GNAQ: variants seen among roughly 807,000 people sequenced by gnomAD.
GNAQ encodes the protein G protein subunit alpha q.
Under a neutral mutation model 43.9 loss-of-function variants are expected in GNAQ, and 8 were observed. The observed-to-expected ratio is 0.18, with a 90% CI of 0.11 to 0.33. The LOEUF is 0.33. GNAQ is among the 10% of genes least tolerant of loss of function. The pLI, the probability that GNAQ is intolerant of heterozygous loss-of-function variation, is 1.00. For missense variants in GNAQ, 158 were observed against 450.8 expected (o/e 0.35, Z 5.88); for synonymous variants, 155 against 170.7 (o/e 0.91, Z 0.71).
chr9:77,793,254 T>C (rs776234081), intron 5 of GNAQ, among the ~76,000 whole-genome samples: 24 of 152,244 alleles, frequency 1.6e-4, no homozygotes, highest in African/African-American at 4.1e-4. Context: ...TTTAGAGTTA[T>C]TGGGGGCAAC....
intron 2 of GNAQ, among the ~76,000 whole-genome samples, chr9:77,905,971 C>T (rs879815721): frequency 6.6e-6 from 1 of 152,020 alleles, no homozygotes. Context: ...AGGACAAATA[C>T]CTAATGCACA....
intron 3 of GNAQ, among the ~76,000 whole-genome samples, chr9:77,804,747 G>C (rs908973669): frequency 2.6e-5 from 4 of 152,182 alleles, no homozygotes; most frequent in African/African-American, 9.7e-5. Context: ...GCCTCCTATA[G>C]AGAGGCTGCA....
chr9:77,764,616 C>T (rs985765930), intron 5 of GNAQ, among the ~76,000 whole-genome samples: 6 of 152,152 alleles, frequency 3.9e-5, no homozygotes, highest in South Asian at 2.1e-4. Context: ...CCACCATGCC[C>T]GGCTAATTTT....
At chr9:77,872,399 C>G (rs751699696) in intron 2 of GNAQ, among the ~76,000 whole-genome samples, 6 of 152,084 alleles carry the variant, frequency 3.9e-5, no homozygotes, top group Non-Finnish European at 4.4e-5. Flanking sequence ...CTTTCCCTTC[C>G]CTGGGGCAAT....
intron 2 of GNAQ, among the ~76,000 whole-genome samples, chr9:77,829,111 ATAT>A (rs1404728007): frequency 2.0e-5 from 3 of 152,176 alleles, no homozygotes; most frequent in African/African-American, 7.2e-5. Flanking sequence ...AGCAGCTATA[ATAT>A]TATACTTTTT....
At chr9:78,028,213 G>A (rs893796320) in intron 1 of GNAQ, among the ~76,000 whole-genome samples, 1 of 152,042 alleles carries the variant, frequency 6.6e-6, no homozygotes, top group Non-Finnish European at 1.5e-5. Flanking sequence ...TGAATTCAAA[G>A]AATGAATAAG....
intron 2 of GNAQ, among the ~76,000 whole-genome samples, chr9:77,918,334 A>G (rs1478522788): frequency 6.6e-6 from 1 of 152,168 alleles, no homozygotes; most frequent in Non-Finnish European, 1.5e-5. Flanking sequence ...CTAAAAACCA[A>G]ATGGTTATGT....
chr9:77,987,540 C>T (rs913689254), intron 1 of GNAQ, among the ~76,000 whole-genome samples: 2 of 152,148 alleles, frequency 1.3e-5, no homozygotes, highest in Admixed American at 6.5e-5. Context: ...GAATATCTCT[C>T]GGCAATCCAC....
At chr9:78,028,861 C>T (rs1283299521) in intron 1 of GNAQ, among the ~76,000 whole-genome samples, 1 of 152,098 alleles carries the variant, frequency 6.6e-6, no homozygotes, top group South Asian at 2.1e-4. Context: ...CACAAATCCA[C>T]ATTTAGCGTA....
chr9:77,753,892 GT>G (rs1825856949), intron 5 of GNAQ, among the ~76,000 whole-genome samples: 1 of 152,200 alleles, frequency 6.6e-6, no homozygotes, highest in Admixed American at 6.5e-5. Flanking sequence ...AAATTACCCT[GT>G]GTACTTGCTT....
intron 1 of GNAQ, among the ~76,000 whole-genome samples, chr9:78,024,277 T>C (rs1564181792): frequency 6.6e-6 from 1 of 152,138 alleles, no homozygotes; most frequent in Non-Finnish European, 1.5e-5. Flanking sequence ...TTCCTTTCAC[T>C]GTGCGCCCGG....
Position 78,025,398 on chromosome 9 carries a change from C to A in GNAQ, c.136+5702G>T, listed in dbSNP as rs184236895. 2.6e-3 allele frequency among the ~76,000 whole-genome samples: 397 copies of A among 152,272 alleles called. 2 individuals are homozygous for A. The highest frequency in any genetic ancestry group is 4.1e-3 in the Non-Finnish European group (279 of 68,018). ...ATTCGGCAGAACAAGAGTAAACGTT[C>A]ACGGTTTACTGTAGTCAGTTATTGC... On this transcript the variant is annotated intron_variant, in intron 1 of 6. Transcript: ENST00000286548.
intron 1 of GNAQ, among the ~76,000 whole-genome samples, chr9:78,013,457 TC>T (rs1823799309): frequency 6.6e-6 from 1 of 151,682 alleles, no homozygotes; most frequent in Non-Finnish European, 1.5e-5. Context: ...ATGCTATCCC[TC>T]CCCGCTCCCC....
chr9:77,939,673 A>C (rs1483823317), intron 1 of GNAQ, among the ~76,000 whole-genome samples: 3 of 152,080 alleles, frequency 2.0e-5, no homozygotes, highest in South Asian at 2.1e-4. Context: ...GGGTGAAAAA[A>C]CTCATTCTGG....
intron 1 of GNAQ, among the ~76,000 whole-genome samples, chr9:78,004,064 T>C (rs1353174717): frequency 6.6e-6 from 1 of 152,036 alleles, no homozygotes; most frequent in Non-Finnish European, 1.5e-5. Flanking sequence ...GAATTTGCCC[T>C]AGCCACCCAA....
chr9:77,884,138 C>A (rs567207827), intron 2 of GNAQ, among the ~76,000 whole-genome samples: 3 of 152,276 alleles, frequency 2.0e-5, no homozygotes, highest in South Asian at 4.1e-4. Flanking sequence ...ATGCTCAGAG[C>A]TACTAGCATT....
intron 2 of GNAQ, among the ~76,000 whole-genome samples, chr9:77,895,203 A>C (rs1828480310): frequency 6.6e-6 from 1 of 152,004 alleles, no homozygotes; most frequent in Admixed American, 6.6e-5. Flanking sequence ...ATCTCAAAAA[A>C]AAAAAAAAAA....
At chr9:77,790,899 T>G (rs937473108) in intron 5 of GNAQ, among the ~76,000 whole-genome samples, 7 of 152,188 alleles carry the variant, frequency 4.6e-5, no homozygotes, top group African/African-American at 1.7e-4. Flanking sequence ...TTCTGATGAG[T>G]AGCAGCTTCA....
intron 5 of GNAQ, among the ~76,000 whole-genome samples, chr9:77,777,621 A>G (rs2118391851): frequency 6.6e-6 from 1 of 152,138 alleles, no homozygotes; most frequent in Non-Finnish European, 1.5e-5. Context: ...TATATAAAGG[A>G]CTCTGACAAC....
Sources: allele counts gnomAD v4.1 joint callset (sites outside exome capture counted in the v4.1 genomes callset), GRCh38; gene constraint gnomAD v4.1.1; transcripts MANE v1.5; gene names NCBI Gene and HGNC (gene_info 2026-07-23, HGNC 2026-07-21).